Variants in TMEM132B observed in about 807,000 individuals in gnomAD.
The protein encoded by TMEM132B is transmembrane protein 132B.
Under a neutral mutation model 90.8 loss-of-function variants are expected in TMEM132B, and 18 were observed. The observed-to-expected ratio is 0.20, with a 90% CI of 0.14 to 0.29. The LOEUF (loss-of-function observed/expected upper bound fraction) is 0.29, where lower values mean the gene tolerates loss of function less well. Among genes scored for constraint, TMEM132B ranks in the 10% least tolerant of loss-of-function variants. The pLI, the probability that TMEM132B is intolerant of heterozygous loss-of-function variation, is 1.00. For missense variants in TMEM132B, 1,096 were observed against 1,326.8 expected (o/e 0.83, Z 2.70); for synonymous variants, 504 against 523.3 (o/e 0.96, Z 0.50).
At chr12:125,632,105 G>C (rs989852706) in intron 5 of TMEM132B, among the ~76,000 whole-genome samples, 7 of 151,472 alleles carry the variant, frequency 4.6e-5, no homozygotes, top group South Asian at 2.1e-4. Flanking sequence ...GATTTTTTTG[G>C]TGATACAATT....
intron 1 of TMEM132B, among the ~76,000 whole-genome samples, chr12:125,202,792 A>T (rs1314751613): frequency 1.3e-5 from 2 of 152,250 alleles, no homozygotes; most frequent in African/African-American, 4.8e-5. Flanking sequence ...CTGCCTGAGA[A>T]TGAAGCAGGA....
chr12:125,646,218 T>TTAGC (rs1566100379), intron 6 of TMEM132B, among the ~76,000 whole-genome samples: 2 of 152,158 alleles, frequency 1.3e-5, no homozygotes, highest in East Asian at 1.9e-4. Flanking sequence ...GGTCAGATAG[T>TTAGC]TAGCTGAGGA....
chr12:125,399,489 G>GTA (rs1467701656), intron 2 of TMEM132B, among the ~76,000 whole-genome samples: 74 of 144,238 alleles, frequency 5.1e-4, no homozygotes, highest in African/African-American at 2.0e-3. Context: ...GTGTATGTGT[G>GTA]TGTGTGTGTG....
intron 5 of TMEM132B, among the ~76,000 whole-genome samples, chr12:125,602,236 C>A (rs1022782935): frequency 6.6e-6 from 1 of 152,198 alleles, no homozygotes; most frequent in African/African-American, 2.4e-5. Context: ...CAAACCGAAT[C>A]TAGCAGCACA....
intron 5 of TMEM132B, among the ~76,000 whole-genome samples, chr12:125,643,438 A>G (rs940523901): frequency 6.6e-6 from 1 of 152,224 alleles, no homozygotes; most frequent in Non-Finnish European, 1.5e-5. Flanking sequence ...TAAATGGTCT[A>G]ATGCTCAACC....
chr12:125,203,027 C>T (rs543228832), intron 1 of TMEM132B, among the ~76,000 whole-genome samples: 5 of 152,206 alleles, frequency 3.3e-5, no homozygotes, highest in Non-Finnish European at 5.9e-5. Context: ...ACTGTCTTCT[C>T]CTTTGAAAGG....
intron 2 of TMEM132B, among the ~76,000 whole-genome samples, chr12:125,380,322 G>A (rs1268445036): frequency 2.6e-5 from 4 of 152,144 alleles, no homozygotes; most frequent in African/African-American, 7.2e-5. Flanking sequence ...TCTCTTATAA[G>A]TACACTGGCC....
intron 2 of TMEM132B, among the ~76,000 whole-genome samples, chr12:125,359,467 C>G (rs922818441): frequency 6.6e-6 from 1 of 151,714 alleles, no homozygotes; most frequent in Admixed American, 6.6e-5. Context: ...CAAAAAAACC[C>G]CAGATCATAT....
intron 4 of TMEM132B, among the ~76,000 whole-genome samples, chr12:125,570,022 A>G (rs1162108462): frequency 6.6e-6 from 1 of 152,002 alleles, no homozygotes; most frequent in African/African-American, 2.4e-5. Flanking sequence ...TTGGGGGGGA[A>G]GGGAAGGAAG....
intron 3 of TMEM132B, among the ~76,000 whole-genome samples, chr12:125,483,633 G>A (rs1015334488): frequency 6.6e-6 from 1 of 152,184 alleles, no homozygotes; most frequent in Admixed American, 6.5e-5. Flanking sequence ...AGAGGCATGA[G>A]CAAGAAGAGA....
chr12:125,640,656 C>T, intron 5 of TMEM132B, among the ~76,000 whole-genome samples: 1 of 151,894 alleles, frequency 6.6e-6, no homozygotes, highest in Non-Finnish European at 1.5e-5. Flanking sequence ...CAGCCCTGGG[C>T]CAGCAGTCAG....
At chr12:125,224,612 T>C (rs1593047144) in intron 1 of TMEM132B, among the ~76,000 whole-genome samples, 2 of 152,224 alleles carry the variant, frequency 1.3e-5, no homozygotes, top group African/African-American at 4.8e-5. Context: ...CCTGCCTGTC[T>C]TGGGGCAGCA....
rs1235130403 is a variant in TMEM132B at position 125,406,714 on chromosome 12, G to A, written c.960-8817G>A. Among the ~76,000 whole-genome samples, 4 of 152,158 alleles carry A rather than the reference G, an allele frequency of 2.6e-5. No individual in the cohort carries two copies. Among genetic ancestry groups the A allele is most frequent in the Non-Finnish European group, 5.9e-5 (4 of 68,028 alleles). On this transcript the variant is annotated intron_variant, in intron 2 of 8. Coordinates refer to ENST00000682704, the MANE Select transcript of TMEM132B (RefSeq NM_001366854.1). This position sits in a 1 kb window ranked among gnomAD's most constrained non-coding sequence, Gnocchi z 8.3. ...CAGTGAAAGACTTGACCCACCCACT[G>A]GAAAGCTGGGAAGGTCTCAAGACCA...
At chr12:125,449,402 T>C (rs1432169567) in intron 3 of TMEM132B, among the ~76,000 whole-genome samples, 2 of 152,238 alleles carry the variant, frequency 1.3e-5, no homozygotes, top group Non-Finnish European at 2.9e-5. Flanking sequence ...CTTATTGCCC[T>C]TTTAATGTTT....
At chr12:125,452,245 CTTG>C (rs1340772166) in intron 3 of TMEM132B, among the ~76,000 whole-genome samples, 1 of 152,076 alleles carries the variant, frequency 6.6e-6, no homozygotes, top group Non-Finnish European at 1.5e-5. Flanking sequence ...ACTAGTTTCT[CTTG>C]TTGTCCCCAG....
intron 4 of TMEM132B, among the ~76,000 whole-genome samples, chr12:125,546,755 G>A (rs1438283176): frequency 6.6e-6 from 1 of 152,170 alleles, no homozygotes. Context: ...TAGAGATTCT[G>A]AGAATGTAAG....
intron 1 of TMEM132B, among the ~76,000 whole-genome samples, chr12:125,279,301 G>C (rs1053621920): frequency 2.0e-5 from 3 of 152,222 alleles, no homozygotes; most frequent in African/African-American, 4.8e-5. Flanking sequence ...GTTATCCCTA[G>C]AAAGGCCTGC....
chr12:125,607,669 A>G (rs1018884029), intron 5 of TMEM132B, among the ~76,000 whole-genome samples: 15 of 152,220 alleles, frequency 9.9e-5, no homozygotes, highest in Non-Finnish European at 1.3e-4. Context: ...GTAGAAATCA[A>G]TGTAAAGTCA....
intron 3 of TMEM132B, among the ~76,000 whole-genome samples, chr12:125,457,438 C>T (rs193264831): frequency 2.2e-4 from 34 of 152,276 alleles, no homozygotes; most frequent in Middle Eastern, 3.4e-3. Context: ...TTATTAATCA[C>T]GGCCAGCTCT....
Sources: gnomAD v4.1 joint callset for allele counts (sites outside exome capture counted in the v4.1 genomes callset) on GRCh38, gnomAD v4.1.1 for gene constraint, Gnocchi (gnomAD v3.1) non-coding constraint, MANE v1.5 for transcripts, NCBI Gene and HGNC (gene_info 2026-07-23, HGNC 2026-07-21) for gene names.